Variants in FOXL3 observed in about 807,000 individuals in gnomAD.
FOXL3 encodes the protein forkhead box protein L3.
A neutral mutation model predicts 10.9 loss-of-function variants in FOXL3; 16 were observed. The ratio of observed to expected loss-of-function variants is 1.46; its 90% CI spans 0.99 to 2.22. The LOEUF is 2.22. Ranked by LOEUF, FOXL3 falls within the 30% of genes most tolerant of loss-of-function variation. The pLI is 0.00. For synonymous variants in FOXL3, 170 were observed against 152.0 expected, an observed-to-expected ratio of 1.12 and a Z score of -0.87; for missense variants, 400 against 337.9, an observed-to-expected ratio of 1.18 and a Z score of -1.44.
Position 291,382 on chromosome 7 carries a change from T to G in FOXL3, c.596T>G (p.Ile199Ser). 2 of 1,317,274 alleles carry G rather than the reference T, an allele frequency of 1.5e-6. No individual in the cohort carries two copies. Among genetic ancestry groups the G allele is most frequent in the Non-Finnish European group, 1.9e-6 (2 of 1,032,814 alleles). The allele number at this position is 1,317,274 out of a possible 1,614,324, so 81.6% of individuals were successfully genotyped here. Residue 199 changes from isoleucine to serine, a missense_variant, in exon 3 of 3, where the codon ATC (isoleucine) becomes AGC (serine). Coordinates refer to ENST00000506382, the MANE Select transcript of FOXL3 (RefSeq NM_001374838.1). ...PRDLKFSIDY[I>S]LSSPDPFPGL... ...GACCTCAAGTTCAGCATCGACTACATCCTGTCCTCCCCAGACCCCTTCCCT... is the reference window on the plus strand; with the variant it reads ...GACCTCAAGTTCAGCATCGACTACAGCCTGTCCTCCCCAGACCCCTTCCCT...
In FOXL3 at chr7:290,779, C is replaced by T. The variant is rs137879194; in HGVS notation, c.234C>T (p.Asn78=). 1.3e-6 allele frequency: 2 copies of T among 1,491,808 alleles called. No individual in the cohort carries two copies. Among genetic ancestry groups the T allele is most frequent in the Non-Finnish European group, 1.8e-6 (2 of 1,123,956 alleles). 92.4% of individuals were successfully genotyped at this position (1,491,808 alleles called of 1,614,324 possible). A position where few individuals can be genotyped will look rare whatever the true frequency, so the allele number is the denominator to read the frequency against. ...GCGCCAACCAGCGCGCCTGGCAGAA[C>T]TCCATCCGCCACAACCTGTCCCTCA... ...YYRANQRAWQ[N]SIRHNLSLNS... Residue 78 remains asparagine (N), a synonymous_variant, in exon 2 of 3, where the codon AAC becomes AAT. Coordinates refer to ENST00000506382, the MANE Select transcript of FOXL3 (RefSeq NM_001374838.1).
intron 1 of FOXL3, 27 bp from the exon 2 acceptor site, chr7:290,625 GA>G: frequency 7.1e-7 from 1 of 1,412,084 alleles, no homozygotes; most frequent in Non-Finnish European, 9.2e-7. Context: ...GCCCGGTGGA[GA>G]CCCCGCCTGA....
chr7:290,388 T>C, intron 1 of FOXL3, 112 bp downstream of exon 1: 2 of 937,756 alleles, frequency 2.1e-6, no homozygotes, highest in East Asian at 2.6e-5. Context: ...CTTTCTTCTC[T>C]CCGGCGGCGG....
At position 291,314 on chromosome 7, in the gene FOXL3, G is replaced by GC. The variant is rs1778643872; in HGVS notation, c.534dup (p.Ala179ArgfsTer?). On this transcript the variant is annotated frameshift_variant, in exon 3 of 3. Coordinates refer to ENST00000506382, the MANE Select transcript of FOXL3 (RefSeq NM_001374838.1). LOFTEE classifies it low-confidence loss of function (END_TRUNC). Reference sequence around the variant, plus strand: ...CTGGCGAGGGCGCCCCGGGCCGTGAGCCCCCCGCCAGCCCCGCTCCCCCGG... The same window carrying GC: ...CTGGCGAGGGCGCCCCGGGCCGTGAGCCCCCCCGCCAGCCCCGCTCCCCCGG... 4.0e-6 allele frequency: 5 copies of GC among 1,256,916 alleles called. No homozygotes were observed. The highest frequency in any genetic ancestry group is 3.2e-5 in the South Asian group (1 of 31,668). The allele number at this position is 1,256,916 out of a possible 1,614,324, so 77.9% of individuals were successfully genotyped here. A position where few individuals can be genotyped will look rare whatever the true frequency, so the allele number is the denominator to read the frequency against.
chr7:290,334 C>G, intron 1 of FOXL3, 58 bp downstream of exon 1: 1 of 1,366,634 alleles, frequency 7.3e-7, no homozygotes, highest in South Asian at 1.2e-5. Context: ...TGCAAGGGTC[C>G]CAGGTAGCCG....
rs1205893159 is a variant in FOXL3 at position 291,448 on chromosome 7, C to A, written c.662C>A (p.Pro221Gln). The change falls in exon 3 of 3, where the codon CCG becomes CAG. Residue 221 changes from proline to glutamine, a missense_variant. Coordinates refer to ENST00000506382, the MANE Select transcript of FOXL3 (RefSeq NM_001374838.1). ...PPCLAQEGRYPRLENVGLHFW... is the reference protein window; with the variant it reads ...PPCLAQEGRYQRLENVGLHFW... ...TGCCTCGCACAAGAGGGCAGATACC[C>A]GCGGCTGGAGAACGTGGGACTCCAC... The A allele has an allele frequency of 1.6e-6, 2 of 1,240,404 alleles. No homozygotes were observed. Among genetic ancestry groups the A allele is most frequent in the Admixed American group, 8.4e-5 (2 of 23,808 alleles). 76.8% of individuals were successfully genotyped at this position (1,240,404 alleles called of 1,614,324 possible). A position where few individuals can be genotyped will look rare whatever the true frequency, so the allele number is the denominator to read the frequency against.
At chr7:290,938 C>T in intron 2 of FOXL3, 117 bp downstream of exon 2, 1 of 1,280,432 alleles carries the variant, frequency 7.8e-7, no homozygotes. Flanking sequence ...GTCCTCAGCC[C>T]ACGGGGCCGC....
chr7:290,884 G>T, intron 2 of FOXL3, 63 bp downstream of exon 2: 3 of 1,333,456 alleles, frequency 2.2e-6, no homozygotes, highest in Non-Finnish European at 2.9e-6. Context: ...CCAGGGCCTC[G>T]GTGGCGGGGA....
chr7:290,248 G>T lies in FOXL3; in HGVS notation c.79G>T (p.Asp27Tyr). 6.5e-7 allele frequency: 1 copy of T among 1,535,994 alleles called. No homozygotes were observed. The highest frequency in any genetic ancestry group is 1.2e-5 in the South Asian group (1 of 84,060). Residue 27 changes from aspartate to tyrosine, a missense_variant, in exon 1 of 3, where the codon GAC becomes TAC. Coordinates refer to ENST00000506382, the MANE Select transcript of FOXL3 (RefSeq NM_001374838.1). ...CTACCCCGCCGGCAGCTCCGACGAAGACAAGAGGCTCACGCGGCCCGCGTA... is the reference window on the plus strand; with the variant it reads ...CTACCCCGCCGGCAGCTCCGACGAATACAAGAGGCTCACGCGGCCCGCGTA... ...DDYPAGSSDEDKRLTRPAYSY... is the reference protein window; with the variant it reads ...DDYPAGSSDEYKRLTRPAYSY...
In FOXL3 at chr7:291,475, T is replaced by A; in HGVS notation, c.689T>A (p.Phe230Tyr). Residue 230 changes from phenylalanine to tyrosine, a missense_variant, in exon 3 of 3, where the codon TTT becomes TAT. Coordinates refer to ENST00000506382, the MANE Select transcript of FOXL3 (RefSeq NM_001374838.1). Reference protein sequence around the residue: ...YPRLENVGLHFWTM With the variant: ...YPRLENVGLHYWTM ...CGGCTGGAGAACGTGGGACTCCACT[T>A]TTGGACAATGTGATGTGGAGCCACC... 1 of 1,234,994 alleles carries A rather than the reference T, an allele frequency of 8.1e-7. No homozygotes were observed. Among genetic ancestry groups the A allele is most frequent in the Non-Finnish European group, 1.0e-6 (1 of 988,132 alleles). The allele number at this position is 1,234,994 out of a possible 1,614,324, so 76.5% of individuals were successfully genotyped here. A position where few individuals can be genotyped will look rare whatever the true frequency, so the allele number is the denominator to read the frequency against.
intron 1 of FOXL3, among the ~76,000 whole-genome samples, 167 bp downstream of exon 1, chr7:290,443 G>A (rs1778615644): frequency 1.3e-5 from 2 of 152,212 alleles, no homozygotes; most frequent in South Asian, 4.1e-4. Context: ...GGGAGAGCCA[G>A]GGAGGGTTCT....
intron 1 of FOXL3, 31 bp downstream of exon 1, chr7:290,307 G>A: frequency 1.3e-6 from 2 of 1,499,742 alleles, no homozygotes; most frequent in Non-Finnish European, 1.8e-6. Flanking sequence ...GGGGCTTTGG[G>A]GGACAGTGAC....
chr7:290,652 G>A lies in FOXL3; in HGVS notation c.108-1G>A. 1.4e-6 allele frequency: 2 copies of A among 1,411,404 alleles called. No individual in the cohort carries two copies. Among genetic ancestry groups the A allele is most frequent in the East Asian group, 2.6e-5 (1 of 38,348 alleles). The allele number at this position is 1,411,404 out of a possible 1,614,324, so 87.4% of individuals were successfully genotyped here. A position where few individuals can be genotyped will look rare whatever the true frequency, so the allele number is the denominator to read the frequency against. Reference sequence around the variant, plus strand: ...CCCCGCCTGACCCCCGGGCTCCGCAGCTACATCGCCTTGATCGCCATGGCC... The same window carrying A: ...CCCCGCCTGACCCCCGGGCTCCGCAACTACATCGCCTTGATCGCCATGGCC... On this transcript the variant is annotated splice_acceptor_variant, in intron 1 of 2. Transcript: ENST00000506382. LOFTEE classifies it high-confidence loss of function.
intron 2 of FOXL3, 91 bp downstream of exon 2, chr7:290,912 G>A (rs1257626717): frequency 2.5e-5 from 33 of 1,307,438 alleles, no homozygotes; most frequent in South Asian, 9.0e-5. Context: ...GCACCGCGGC[G>A]GCTTCAGGGA....
Position 290,333 on chromosome 7 carries a change from C to T in FOXL3, c.107+57C>T. 8 of 1,363,786 alleles carry T rather than the reference C, an allele frequency of 5.9e-6. No individual in the cohort carries two copies. The South Asian group carries it at 9.9e-5, about 17-fold the overall frequency. The allele number at this position is 1,363,786 out of a possible 1,614,324, so 84.5% of individuals were successfully genotyped here. A position where few individuals can be genotyped will look rare whatever the true frequency, so the allele number is the denominator to read the frequency against. Reference sequence around the variant, plus strand: ...GGACAGTGACACCCCCTGCAAGGGTCCCAGGTAGCCGGGACCTGCCTGGGA... The same window carrying T: ...GGACAGTGACACCCCCTGCAAGGGTTCCAGGTAGCCGGGACCTGCCTGGGA... On this transcript the variant is annotated intron_variant, in intron 1 of 2. Coordinates refer to ENST00000506382, the MANE Select transcript of FOXL3 (RefSeq NM_001374838.1).
intron 1 of FOXL3, 101 bp from the exon 2 acceptor site, chr7:290,552 G>A (rs889131403): frequency 3.5e-5 from 42 of 1,202,380 alleles, no homozygotes; most frequent in African/African-American, 4.6e-5. Flanking sequence ...CCCCAACACC[G>A]CCTCGCTCCT....
chr7:290,368 G>A, intron 1 of FOXL3, 92 bp downstream of exon 1: 1 of 1,026,672 alleles, frequency 9.7e-7, no homozygotes, highest in Non-Finnish European at 1.5e-6. Flanking sequence ...ACGAAGGAAG[G>A]GCGGGGGAGC....
intron 1 of FOXL3, 37 bp downstream of exon 1, chr7:290,313 G>A: frequency 2.0e-6 from 3 of 1,465,622 alleles, no homozygotes; most frequent in Non-Finnish European, 2.8e-6. Context: ...TTGGGGGACA[G>A]TGACACCCCC....
chr7:290,966 G>A (rs943337560), intron 2 of FOXL3, 97 bp from the exon 3 acceptor site: 4 of 1,277,788 alleles, frequency 3.1e-6, no homozygotes, highest in East Asian at 3.2e-5. Flanking sequence ...TGCGCAGTGC[G>A]CCACCCTCGC....
Sources: allele counts gnomAD v4.1 joint callset (sites outside exome capture counted in the v4.1 genomes callset), GRCh38; gene constraint gnomAD v4.1.1; transcripts MANE v1.5; gene names NCBI Gene and HGNC (gene_info 2026-07-23, HGNC 2026-07-21).